The following CCSER2 variants were observed in gnomAD, a reference collection of about 807,000 sequenced individuals.
The protein encoded by CCSER2 is coiled-coil serine rich protein 2.
Under a neutral mutation model 92.3 loss-of-function variants are expected in CCSER2, and 46 were observed. That is an observed-to-expected ratio of 0.50 (90% CI 0.39 to 0.64). The LOEUF (loss-of-function observed/expected upper bound fraction) is 0.64. CCSER2 is among the 30% of genes least tolerant of loss of function. CCSER2 has a pLI of 0.00. For synonymous variants in CCSER2, 433 were observed against 431.4 expected, an observed-to-expected ratio of 1.00 and a Z score of -0.04; for missense variants, 1,244 against 1,238.9, an observed-to-expected ratio of 1.00 and a Z score of -0.06.
At chr10:84,403,759 T>C (rs890958687) in intron 3 of CCSER2, among the ~76,000 whole-genome samples, 1 of 152,096 alleles carries the variant, frequency 6.6e-6, no homozygotes, top group Non-Finnish European at 1.5e-5. Context: ...TATAAAAAAT[T>C]GTGATAAAAC....
At chr10:84,380,694 CT>C (rs34999469) in intron 3 of CCSER2, among the ~76,000 whole-genome samples, 27,747 of 133,452 alleles carry the variant, frequency 0.21, 2,414 homozygotes, top group Admixed American at 0.32. Context: ...TGTTCCTTTT[CT>C]TTTTTTTTTT....
intron 8 of CCSER2, 58 bp downstream of exon 8, chr10:84,470,516 A>G (rs1199215713): frequency 1.5e-6 from 2 of 1,299,878 alleles, no homozygotes; most frequent in Non-Finnish European, 9.9e-7. Context: ...TGTGTTTTTC[A>G]TAAAACTCTG....
chr10:84,341,367 T>TTTC (rs71013314), intron 1 of CCSER2, among the ~76,000 whole-genome samples: 1 of 147,862 alleles, frequency 6.8e-6, no homozygotes, highest in African/African-American at 2.5e-5. Context: ...TTTTTTTTTT[T>TTTC]AGAGGCGGAG....
chr10:84,502,803 A>T (rs1478706940), intron 9 of CCSER2, among the ~76,000 whole-genome samples: 5 of 152,164 alleles, frequency 3.3e-5, no homozygotes, highest in Non-Finnish European at 7.3e-5. Context: ...AGTATAGTAG[A>T]CCTTCTAGTA....
intron 3 of CCSER2, among the ~76,000 whole-genome samples, chr10:84,399,756 G>A (rs1455737055): frequency 7.3e-6 from 1 of 136,444 alleles, no homozygotes; most frequent in Non-Finnish European, 1.6e-5. Context: ...TTTTCTCTTT[G>A]TTTTCATTTA....
intron 3 of CCSER2, chr10:84,391,658 A>G (rs1841524658): frequency 2.0e-6 from 3 of 1,537,398 alleles, no homozygotes; most frequent in Non-Finnish European, 2.7e-6. Flanking sequence ...TAACAGACCC[A>G]ACACACCAAA....
intron 3 of CCSER2, among the ~76,000 whole-genome samples, chr10:84,405,134 T>A (rs1842315253): frequency 1.3e-5 from 2 of 152,114 alleles, no homozygotes; most frequent in African/African-American, 2.4e-5. Flanking sequence ...GGTAAATCAA[T>A]GGAACGTAAT....
At chr10:84,459,067 G>A (rs1261295241) in intron 6 of CCSER2, among the ~76,000 whole-genome samples, 3 of 152,110 alleles carry the variant, frequency 2.0e-5, no homozygotes, top group Non-Finnish European at 4.4e-5. Context: ...GAATGCAGTG[G>A]CACGATCTCA....
Position 84,355,600 on chromosome 10 carries a change from T to C in CCSER2, c.-39-15414T>C, listed in dbSNP as rs117924770. Among the ~76,000 whole-genome samples the C allele has an allele frequency of 8.5e-3, 1,294 of 152,296 alleles. 6 individuals are homozygous for C. The highest frequency in any genetic ancestry group is 0.014 in the Non-Finnish European group (978 of 68,022). On this transcript the variant is annotated intron_variant, in intron 1 of 9. Transcript: ENST00000372088. ...TCTTGTCTACATGTCTTTTCCCTTA[T>C]ATTGGAAGGTCTTATTTTATCCACA...
At chr10:84,469,604 A>C (rs1459158082) in intron 7 of CCSER2, among the ~76,000 whole-genome samples, 1 of 152,110 alleles carries the variant, frequency 6.6e-6, no homozygotes, top group Non-Finnish European at 1.5e-5. Context: ...CTATATTTGA[A>C]TTTCCTTGCT....
intron 5 of CCSER2, among the ~76,000 whole-genome samples, chr10:84,429,699 G>A (rs1344130249): frequency 7.1e-6 from 1 of 141,576 alleles, no homozygotes; most frequent in Non-Finnish European, 1.5e-5. Context: ...CTCTCTTTTA[G>A]TTTATCATAT....
At chr10:84,436,345 AAAAAAAAAT>A (rs1844136135) in intron 5 of CCSER2, among the ~76,000 whole-genome samples, 2 of 124,838 alleles carry the variant, frequency 1.6e-5, no homozygotes, top group Non-Finnish European at 3.4e-5. Context: ...AAAAAAAAAA[AAAAAAAAAT>A]GCCGGGCGCG....
intron 6 of CCSER2, among the ~76,000 whole-genome samples, chr10:84,457,258 AAATATATTATATATAATATATT>A (rs1564684297): frequency 2.4e-4 from 10 of 42,368 alleles, no homozygotes; most frequent in African/African-American, 7.6e-4. Context: ...ATATTATATA[AAATATATTATATATAATATATT>A]ATATATTATA....
intron 6 of CCSER2, among the ~76,000 whole-genome samples, chr10:84,459,133 G>C (rs919503459): frequency 1.3e-5 from 2 of 152,144 alleles, no homozygotes; most frequent in South Asian, 2.1e-4. Context: ...TCAGCCTCCT[G>C]AGTAGCTGGA....
At chr10:84,421,021 A>G (rs767158651) in intron 4 of CCSER2, among the ~76,000 whole-genome samples, 2 of 151,258 alleles carry the variant, frequency 1.3e-5, no homozygotes, top group Non-Finnish European at 2.9e-5. Flanking sequence ...GTTTTGGCCC[A>G]CAGAAGAGTG....
chr10:84,421,497 A>G (rs1415353123), intron 4 of CCSER2, among the ~76,000 whole-genome samples: 2 of 152,112 alleles, frequency 1.3e-5, no homozygotes, highest in African/African-American at 4.8e-5. Context: ...CCCTTATAAA[A>G]TGATCAGATC....
At chr10:84,391,195 C>T (rs1841498498) in intron 3 of CCSER2, 2 of 944,058 alleles carry the variant, frequency 2.1e-6, no homozygotes, top group African/African-American at 3.2e-5. Flanking sequence ...TGGCTTTCTT[C>T]CATACTGTGA....
At chr10:84,488,450 C>T (rs1847942642) in intron 9 of CCSER2, among the ~76,000 whole-genome samples, 1 of 152,150 alleles carries the variant, frequency 6.6e-6, no homozygotes, top group Non-Finnish European at 1.5e-5. Flanking sequence ...GATTCAAGTT[C>T]TTCCTGGTTT....
chr10:84,366,851 T>G (rs1845801716), intron 1 of CCSER2, among the ~76,000 whole-genome samples: 2 of 152,180 alleles, frequency 1.3e-5, no homozygotes, highest in Non-Finnish European at 2.9e-5. Context: ...GCTGACAGTT[T>G]GAATAGAAGT....
Sources: allele counts gnomAD v4.1 joint callset (sites outside exome capture counted in the v4.1 genomes callset), GRCh38; gene constraint gnomAD v4.1.1; transcripts MANE v1.5; gene names NCBI Gene and HGNC (gene_info 2026-07-23, HGNC 2026-07-21).